Variants in IMMP2L observed in about 807,000 individuals in gnomAD.
IMMP2L encodes the protein mitochondrial inner membrane protease subunit 2.
IMMP2L carries 18 observed loss-of-function variants against 19.3 expected under a neutral mutation model. The ratio of observed to expected loss-of-function variants is 0.93; its 90% CI spans 0.64 to 1.38. IMMP2L has a LOEUF of 1.38. Among genes scored for constraint, IMMP2L ranks in the 40% most tolerant of loss-of-function variants. The pLI, the probability that IMMP2L is intolerant of heterozygous loss-of-function variation, is 0.00. For synonymous variants in IMMP2L, 76 were observed against 73.0 expected, an observed-to-expected ratio of 1.04 and a Z score of -0.21; for missense variants, 233 against 218.2, an observed-to-expected ratio of 1.07 and a Z score of -0.43.
At chr7:111,535,045 T>C (rs1585562774) in intron 1 of IMMP2L, among the ~76,000 whole-genome samples, 2 of 152,144 alleles carry the variant, frequency 1.3e-5, no homozygotes, top group Admixed American at 6.5e-5. Context: ...AGGGAGTTAA[T>C]AGTGCTCGTT....
At chr7:111,360,446 C>T (rs1829156100) in intron 3 of IMMP2L, among the ~76,000 whole-genome samples, 1 of 152,088 alleles carries the variant, frequency 6.6e-6, no homozygotes, top group South Asian at 2.1e-4. Context: ...AATAACATTA[C>T]ACAACATATT....
chr7:111,139,930 T>G (rs1054421432), intron 3 of IMMP2L, among the ~76,000 whole-genome samples: 1 of 152,148 alleles, frequency 6.6e-6, no homozygotes. Context: ...AAACTCTAAT[T>G]TTTAATTCTA....
chr7:111,491,936 G>A (rs1843143987), intron 2 of IMMP2L, among the ~76,000 whole-genome samples: 1 of 151,156 alleles, frequency 6.6e-6, no homozygotes, highest in Admixed American at 6.6e-5. Context: ...AGGAACAAAA[G>A]GTGATTTAAT....
chr7:111,387,986 A>AC, intron 3 of IMMP2L, among the ~76,000 whole-genome samples: 2 of 151,208 alleles, frequency 1.3e-5, no homozygotes, highest in African/African-American at 4.8e-5. Context: ...AAAAAAAAAA[A>AC]AAAAAAAAAA....
At chr7:110,699,094 A>C (rs1381268790) in intron 5 of IMMP2L, among the ~76,000 whole-genome samples, 2 of 152,092 alleles carry the variant, frequency 1.3e-5, no homozygotes, top group Non-Finnish European at 2.9e-5. Flanking sequence ...AAGTAGCTAA[A>C]ACTTGGCATC....
intron 3 of IMMP2L, among the ~76,000 whole-genome samples, chr7:111,063,855 A>G (rs1372500975): frequency 6.6e-5 from 10 of 152,210 alleles, no homozygotes; most frequent in African/African-American, 2.4e-4. Flanking sequence ...TATCACTATC[A>G]GGATTTTTGT....
chr7:111,014,796 C>G (rs1476005018), intron 3 of IMMP2L, among the ~76,000 whole-genome samples: 1 of 152,108 alleles, frequency 6.6e-6, no homozygotes, highest in East Asian at 1.9e-4. Context: ...ATATGACATA[C>G]AAATGGCCAA....
At chr7:110,666,124 C>T (rs1214308695) in intron 5 of IMMP2L, among the ~76,000 whole-genome samples, 1 of 152,082 alleles carries the variant, frequency 6.6e-6, no homozygotes, top group East Asian at 1.9e-4. Flanking sequence ...CCAGTGGGAG[C>T]TCTATGTGTC....
At chr7:110,744,981 A>G (rs1030279691) in intron 5 of IMMP2L, among the ~76,000 whole-genome samples, 4 of 152,180 alleles carry the variant, frequency 2.6e-5, no homozygotes, top group African/African-American at 4.8e-5. Flanking sequence ...TCTTAACCCA[A>G]TGTAAGGAAG....
At chr7:111,294,250 G>A (rs1821400198) in intron 3 of IMMP2L, among the ~76,000 whole-genome samples, 1 of 151,798 alleles carries the variant, frequency 6.6e-6, no homozygotes, top group Non-Finnish European at 1.5e-5. Context: ...TTTGAGAGAT[G>A]TATTATAAGG....
chr7:111,240,718 G>A (rs898319655), intron 3 of IMMP2L, among the ~76,000 whole-genome samples: 1 of 151,850 alleles, frequency 6.6e-6, no homozygotes, highest in Admixed American at 6.6e-5. Flanking sequence ...GTAGGTCTAG[G>A]CTATTGACCT....
At chr7:111,025,474 G>A (rs537556974) in intron 3 of IMMP2L, among the ~76,000 whole-genome samples, 5 of 152,250 alleles carry the variant, frequency 3.3e-5, no homozygotes, top group South Asian at 2.1e-4. Flanking sequence ...TCTGTTTAGA[G>A]GTCATATATT....
At chr7:111,186,419 T>A (rs1391918600) in intron 3 of IMMP2L, among the ~76,000 whole-genome samples, 1 of 151,918 alleles carries the variant, frequency 6.6e-6, no homozygotes, top group Non-Finnish European at 1.5e-5. Context: ...TAGAACCATA[T>A]CTTTCAATTT....
At chr7:111,151,322 A>T (rs1231510746) in intron 3 of IMMP2L, among the ~76,000 whole-genome samples, 1 of 152,178 alleles carries the variant, frequency 6.6e-6, no homozygotes, top group Non-Finnish European at 1.5e-5. Context: ...GCTTACGTGA[A>T]ATATAGGGCA....
At chr7:110,950,847 T>TAA (rs1817731373) in intron 4 of IMMP2L, among the ~76,000 whole-genome samples, 1 of 122,542 alleles carries the variant, frequency 8.2e-6, no homozygotes, top group African/African-American at 4.1e-5. Context: ...GTGGCATATA[T>TAA]ATATATATAT....
chr7:111,334,184 T>TAC (rs1381803301), intron 3 of IMMP2L, among the ~76,000 whole-genome samples: 5 of 150,918 alleles, frequency 3.3e-5, no homozygotes, highest in African/African-American at 1.2e-4. Context: ...ATACATATTA[T>TAC]ATATATATAT....
chr7:111,262,349 T>C (rs78481894), intron 3 of IMMP2L, among the ~76,000 whole-genome samples: 6,638 of 152,112 alleles, frequency 0.044, 222 homozygotes, highest in South Asian at 0.083. Flanking sequence ...GCCTGAATGC[T>C]AGTAAAGGCC....
chr7:111,134,333 C>T (rs779856834), intron 3 of IMMP2L, among the ~76,000 whole-genome samples: 1 of 151,890 alleles, frequency 6.6e-6, no homozygotes, highest in Non-Finnish European at 1.5e-5. Flanking sequence ...CCAATTGGAA[C>T]GTTGAACTCA....
chr7:110,823,247 T>C (rs1378382575), intron 5 of IMMP2L, among the ~76,000 whole-genome samples: 2 of 152,036 alleles, frequency 1.3e-5, no homozygotes, highest in Admixed American at 6.6e-5. Context: ...CAGGAGTAAA[T>C]TATTTCTGTT....
Sources: gnomAD v4.1 joint callset for allele counts (sites outside exome capture counted in the v4.1 genomes callset) on GRCh38, gnomAD v4.1.1 for gene constraint, MANE v1.5 for transcripts, NCBI Gene and HGNC (gene_info 2026-07-23, HGNC 2026-07-21) for gene names.